SIPA1L2: variants seen among roughly 807,000 people sequenced by gnomAD.
SIPA1L2 encodes signal induced proliferation associated 1 like 2, also known as signal-induced proliferation-associated 1-like protein 2.
Under a neutral mutation model 163.9 loss-of-function variants are expected in SIPA1L2, and 56 were observed. The observed-to-expected ratio is 0.34, with a 90% CI of 0.28 to 0.43. The LOEUF (loss-of-function observed/expected upper bound fraction) is 0.43. Among genes scored for constraint, SIPA1L2 ranks in the 20% least tolerant of loss-of-function variants. The pLI, the probability that SIPA1L2 is intolerant of heterozygous loss-of-function variation, is 1.00. For synonymous variants in SIPA1L2, 877 were observed against 865.7 expected, an observed-to-expected ratio of 1.01 and a Z score of -0.23; for missense variants, 1,974 against 2,193.5, an observed-to-expected ratio of 0.90 and a Z score of 2.00.
chr1:232,477,771 G>A lies in SIPA1L2; in HGVS notation c.2085+1856C>T, dbSNP rs79291529. 4.5e-3 allele frequency among the ~76,000 whole-genome samples: 679 copies of A among 152,310 alleles called. 8 individuals carry two copies. Among genetic ancestry groups the A allele is most frequent in the African/African-American group, 0.016 (649 of 41,562 alleles). On this transcript the variant is annotated intron_variant, in intron 7 of 22. Coordinates refer to ENST00000674635, the MANE Select transcript of SIPA1L2 (RefSeq NM_020808.5). ...TTTGATTACGCTTCAATGAAAGGGG[G>A]TGGGAAAGCCAGTTTTGAGTTGTGG...
At position 232,465,220 on chromosome 1, in the gene SIPA1L2, C is replaced by T; in HGVS notation, c.2440G>A (p.Glu814Lys). 6.2e-7 allele frequency: 1 copy of T among 1,614,166 alleles called. No individual in the cohort carries two copies. The highest frequency in any genetic ancestry group is 8.5e-7 in the Non-Finnish European group (1 of 1,180,032). Residue 814 changes from glutamate (E) to lysine (K), a missense_variant, in exon 9 of 23, where the codon GAG (glutamate) becomes AAG (lysine). Physicochemically the swap from Glu to Lys is moderately conservative, Grantham distance 56. Transcript: ENST00000674635. This position sits in a 1 kb window ranked among gnomAD's most constrained non-coding sequence, Gnocchi z 4.1. ...TRQEYLKDLA[E>K]NFVTTATVDT... ...ACGGTGGCGGTTGTGACAAAGTTCT[C>T]CGCCAGATCTTTCAAGTACTCCTGC...
chr1:232,535,625 C>A (rs1182624486), intron 2 of SIPA1L2, among the ~76,000 whole-genome samples: 1 of 152,162 alleles, frequency 6.6e-6, no homozygotes, highest in African/African-American at 2.4e-5. Flanking sequence ...TGCTACACAT[C>A]TAAAGAAATT....
At position 232,515,246 on chromosome 1, in the gene SIPA1L2, C is replaced by A. The variant is rs1439807085; in HGVS notation, c.94G>T (p.Asp32Tyr). Reference protein sequence around the residue: ...KDPPRIMQSDDYFARKFKAIN... With the variant: ...KDPPRIMQSDYYFARKFKAIN... ...GCTTTAAATTTCCGAGCAAAATAAT[C>A]ATCTGACTGCATGATTCTAGGGGGA... The change falls in exon 3 of 23, where the codon GAT (aspartate) becomes TAT (tyrosine). Residue 32 changes from aspartate (D) to tyrosine (Y), a missense_variant. Asp to Tyr is a radical substitution (Grantham distance 160). Transcript: ENST00000674635. 6.2e-7 allele frequency: 1 copy of A among 1,614,094 alleles called. No individual in the cohort carries two copies.
intron 12 of SIPA1L2, 54 bp from the exon 13 acceptor site, chr1:232,441,922 C>A: frequency 1.4e-6 from 2 of 1,479,608 alleles, no homozygotes; most frequent in African/African-American, 1.4e-5. Flanking sequence ...CACCTGCCAG[C>A]ATGCACACGG....
At chr1:232,483,649 A>T in intron 6 of SIPA1L2, 143 bp downstream of exon 6, 1 of 820,906 alleles carries the variant, frequency 1.2e-6, no homozygotes, top group Non-Finnish European at 1.9e-6. Context: ...CATCTGAGGA[A>T]ATCTAAACTC....
intron 2 of SIPA1L2, among the ~76,000 whole-genome samples, chr1:232,545,707 C>G (rs1447337647): frequency 6.6e-6 from 1 of 152,146 alleles, no homozygotes; most frequent in Non-Finnish European, 1.5e-5. Context: ...ATATACACAG[C>G]CTTCTAGTTT....
intron 1 of SIPA1L2, among the ~76,000 whole-genome samples, chr1:232,623,344 G>A (rs536484214): frequency 2.7e-4 from 41 of 152,312 alleles, no homozygotes; most frequent in African/African-American, 9.6e-4. Flanking sequence ...AGTGGCTCAC[G>A]CCTGTAATCC....
At chr1:232,526,324 C>A (rs917900385) in intron 2 of SIPA1L2, among the ~76,000 whole-genome samples, 1 of 152,070 alleles carries the variant, frequency 6.6e-6, no homozygotes, top group East Asian at 1.9e-4. Context: ...CTCATGGGAT[C>A]CCCTAACCCA....
At chr1:232,499,662 G>C (rs1485742266) in intron 3 of SIPA1L2, among the ~76,000 whole-genome samples, 1 of 152,214 alleles carries the variant, frequency 6.6e-6, no homozygotes, top group Non-Finnish European at 1.5e-5. Flanking sequence ...AGTTATTTAG[G>C]TAAGACAACA....
At chr1:232,567,330 A>T (rs529512801) in intron 2 of SIPA1L2, among the ~76,000 whole-genome samples, 1 of 152,240 alleles carries the variant, frequency 6.6e-6, no homozygotes, top group Non-Finnish European at 1.5e-5. Context: ...AATACACTGC[A>T]AATGAGAGAC....
chr1:232,453,248 G>A (rs1663693106), intron 10 of SIPA1L2, among the ~76,000 whole-genome samples: 3 of 152,168 alleles, frequency 2.0e-5, no homozygotes, highest in Admixed American at 1.3e-4. Context: ...AGGGAATGAT[G>A]AGTAGCAAAA....
intron 2 of SIPA1L2, among the ~76,000 whole-genome samples, chr1:232,516,689 A>T (rs1027598037): frequency 1.3e-5 from 2 of 151,800 alleles, no homozygotes; most frequent in Non-Finnish European, 2.9e-5. Flanking sequence ...AATATCTGCT[A>T]TTCTAAGACA....
chr1:232,540,752 G>A (rs760792365), intron 2 of SIPA1L2, among the ~76,000 whole-genome samples: 2 of 151,930 alleles, frequency 1.3e-5, no homozygotes, highest in South Asian at 2.1e-4. Flanking sequence ...GAAAGAATAC[G>A]GATCTAGTTG....
chr1:232,465,535 TATACATACACACATAC>T lies in SIPA1L2; in HGVS notation c.2244-135_2244-120del. ...ATATACATACACACACACACACACA[TATACATACACACATAC>T]ACACACACTTTCAACTTAACTGGTT... On this transcript the variant is annotated intron_variant, in intron 8 of 22. Coordinates refer to ENST00000674635, the MANE Select transcript of SIPA1L2 (RefSeq NM_020808.5). This position sits in a 1 kb window ranked among gnomAD's most constrained non-coding sequence, Gnocchi z 4.1. The T allele has an allele frequency of 1.3e-6, 1 of 795,492 alleles. No individual in the cohort carries two copies. The highest frequency in any genetic ancestry group is 2.0e-6 in the Non-Finnish European group (1 of 506,862). The allele number at this position is 795,492 out of a possible 1,614,324, so 49.3% of individuals were successfully genotyped here.
Position 232,572,774 on chromosome 1 carries a change from TATA to T in SIPA1L2, c.-270+1397_-270+1399del, listed in dbSNP as rs1558277922. On this transcript the variant is annotated intron_variant, in intron 2 of 22. Coordinates refer to ENST00000674635, the MANE Select transcript of SIPA1L2 (RefSeq NM_020808.5). ...ATATATATATATATATATATATATA[TATA>T]TATTTATTTATTTATTTTTTCCTTG... is the stretch of plus-strand genomic sequence containing the variant. Among the ~76,000 whole-genome samples, 125 of 112,158 alleles carry T rather than the reference TATA, an allele frequency of 1.1e-3. 1 individual carries two copies. In the East Asian group the frequency reaches 0.019, roughly 17 times the overall value. The allele number at this position is 112,158 out of a possible 152,430, so 73.6% of individuals were successfully genotyped here.
rs1664459719 is a variant in SIPA1L2 at position 232,465,493 on chromosome 1, TATACACACACACACACATATAC to T, written c.2244-99_2244-78del. On this transcript the variant is annotated intron_variant, in intron 8 of 22. Transcript: ENST00000674635. This position sits in a 1 kb window ranked among gnomAD's most constrained non-coding sequence, Gnocchi z 4.1. ...TGTATCTTTCCGAATTTGACATATATATACACACACACACACATATACATACACACACACACACACATATACA... is the reference window on the plus strand; with the variant it reads ...TGTATCTTTCCGAATTTGACATATATATACACACACACACACACATATACA... The T allele has an allele frequency of 8.8e-7, 1 of 1,134,984 alleles. No individual in the cohort carries two copies. The highest frequency in any genetic ancestry group is 1.5e-5 in the South Asian group (1 of 67,120). The allele number at this position is 1,134,984 out of a possible 1,614,324, so 70.3% of individuals were successfully genotyped here. A position where few individuals can be genotyped will look rare whatever the true frequency, so the allele number is the denominator to read the frequency against.
chr1:232,595,393 A>G (rs938320305), intron 1 of SIPA1L2, among the ~76,000 whole-genome samples: 1 of 152,152 alleles, frequency 6.6e-6, no homozygotes, highest in Non-Finnish European at 1.5e-5. Context: ...CCAAACTACA[A>G]TTGAAGGTCT....
At chr1:232,497,664 A>G (rs1430187498) in intron 3 of SIPA1L2, among the ~76,000 whole-genome samples, 2 of 151,444 alleles carry the variant, frequency 1.3e-5, no homozygotes, top group Admixed American at 6.6e-5. Context: ...GGGGCCCTCT[A>G]CTCCTCCACT....
intron 1 of SIPA1L2, among the ~76,000 whole-genome samples, chr1:232,589,058 A>C (rs1355487491): frequency 6.6e-6 from 1 of 152,224 alleles, no homozygotes; most frequent in African/African-American, 2.4e-5. Context: ...AATAATTGAG[A>C]AGCACTATCT....
Sources: allele counts gnomAD v4.1 joint callset (sites outside exome capture counted in the v4.1 genomes callset), GRCh38; gene constraint gnomAD v4.1.1; non-coding constraint Gnocchi (gnomAD v3.1); transcripts MANE v1.5; gene names NCBI Gene and HGNC (gene_info 2026-07-23, HGNC 2026-07-21).